Variants in GALK2 observed in about 807,000 individuals in gnomAD.
GALK2 encodes N-acetylgalactosamine kinase.
Under a neutral mutation model 52.4 loss-of-function variants are expected in GALK2, and 36 were observed. That is an observed-to-expected ratio of 0.69 (90% CI 0.53 to 0.91). The LOEUF (loss-of-function observed/expected upper bound fraction) is 0.91, where lower values mean the gene tolerates loss of function less well. Among genes scored for constraint, GALK2 ranks in the 40% least tolerant of loss-of-function variants. The pLI is 0.00. For missense variants in GALK2, 579 were observed against 559.1 expected (o/e 1.04, Z -0.36); for synonymous variants, 176 against 199.1 (o/e 0.88, Z 0.98).
At chr15:49,322,915 A>C (rs1431208260) in intron 9 of GALK2, among the ~76,000 whole-genome samples, 1 of 150,504 alleles carries the variant, frequency 6.6e-6, no homozygotes, top group Non-Finnish European at 1.5e-5. Context: ...CGAGATCGCA[A>C]CACTGCCCTC....
At chr15:49,210,973 TCACACACACACACACACA>T (rs3075099) in intron 2 of GALK2, among the ~76,000 whole-genome samples, 4 of 146,540 alleles carry the variant, frequency 2.7e-5, no homozygotes, top group Non-Finnish European at 6.0e-5. Flanking sequence ...ACACACACAC[TCACACACACACACACACA>T]CACACACACA....
chr15:49,273,932 T>C (rs1390935353), intron 5 of GALK2, among the ~76,000 whole-genome samples: 4 of 152,182 alleles, frequency 2.6e-5, no homozygotes, highest in Admixed American at 2.0e-4. Context: ...TTTATTTCAC[T>C]AGGACTGTTT....
intron 3 of GALK2, among the ~76,000 whole-genome samples, chr15:49,343,450 C>G (rs932400002): frequency 6.6e-6 from 1 of 152,066 alleles, no homozygotes; most frequent in Non-Finnish European, 1.5e-5. Flanking sequence ...TGTTGACTTT[C>G]AACACACTCT....
chr15:49,173,452 G>T (rs1055402040), intron 1 of GALK2, among the ~76,000 whole-genome samples: 5 of 152,006 alleles, frequency 3.3e-5, no homozygotes, highest in Non-Finnish European at 7.4e-5. Context: ...TAAAAATTTG[G>T]ATTATTTAAA....
chr15:49,183,006 A>G (rs1218751456), intron 1 of GALK2, among the ~76,000 whole-genome samples: 1 of 151,774 alleles, frequency 6.6e-6, no homozygotes, highest in Non-Finnish European at 1.5e-5. Context: ...TGATTTGTCC[A>G]TTTTTGCTTT....
chr15:49,355,191 C>T (rs1323778364), intron 3 of GALK2, among the ~76,000 whole-genome samples: 1 of 152,134 alleles, frequency 6.6e-6, no homozygotes, highest in Non-Finnish European at 1.5e-5. Context: ...GCCTCTCCTC[C>T]TCCAAAGGAA....
chr15:49,196,544 G>A (rs913974325), intron 1 of GALK2, among the ~76,000 whole-genome samples: 1 of 152,116 alleles, frequency 6.6e-6, no homozygotes, highest in African/African-American at 2.4e-5. Context: ...ATCAGTATTT[G>A]TGAATGTTCC....
intron 8 of GALK2, among the ~76,000 whole-genome samples, chr15:49,294,140 C>CAAATAAATAAATAAATAAATAAATAAAT (rs10677248): frequency 7.1e-6 from 1 of 139,864 alleles, no homozygotes; most frequent in African/African-American, 2.6e-5. Flanking sequence ...GACCCTGTCT[C>CAAATAAATAAATAAATAAATAAATAAAT]AAATAAATAA....
chr15:49,229,462 T>C (rs626295), intron 3 of GALK2, among the ~76,000 whole-genome samples: 89,350 of 151,962 alleles, frequency 0.59, 26,425 homozygotes, highest in Middle Eastern at 0.66. Flanking sequence ...GTTGGTCCCC[T>C]GTGCCACAGG....
rs1566891670 is a variant in GALK2 at position 49,159,588 on chromosome 15, A to AAAAT, written c.20+3575_20+3576insTAAA. 3.4e-5 allele frequency among the ~76,000 whole-genome samples: 5 copies of AAAAT among 147,614 alleles called. No homozygotes were observed. In the East Asian group the frequency reaches 1.0e-3, roughly 30 times the overall value. On this transcript the variant is annotated intron_variant, in intron 1 of 9. Transcript: ENST00000327171. ...AAGACTCTGTCTCAAAAAAAAAAAA[A>AAAAT]AAAATAAAATAAAATAAATAATTCC... is the stretch of plus-strand genomic sequence containing the variant.
At chr15:49,204,572 A>G (rs934101756) in intron 2 of GALK2, among the ~76,000 whole-genome samples, 6 of 151,814 alleles carry the variant, frequency 4.0e-5, no homozygotes, top group African/African-American at 1.5e-4. Flanking sequence ...TTATTCCTAG[A>G]TATTCATTTT....
At chr15:49,331,896 T>C, downstream of GALK2, 1 of 1,090,482 alleles carries the variant, frequency 9.2e-7, no homozygotes, top group Non-Finnish European at 1.4e-6. Context: ...ATTGTCCTTA[T>C]ATTGACACCA....
chr15:49,294,622 C>T (rs984850971), intron 8 of GALK2, among the ~76,000 whole-genome samples: 1 of 152,186 alleles, frequency 6.6e-6, no homozygotes, highest in African/African-American at 2.4e-5. Context: ...CTTCTGTGGA[C>T]TGGAAATTGT....
At chr15:49,315,704 A>T (rs2036349180) in intron 8 of GALK2, among the ~76,000 whole-genome samples, 1 of 152,170 alleles carries the variant, frequency 6.6e-6, no homozygotes, top group African/African-American at 2.4e-5. Flanking sequence ...GCAATCTCTC[A>T]TGCACCTTCA....
At position 49,156,788 on chromosome 15, in the gene GALK2, TTTG is replaced by T. The variant is rs1322768766; in HGVS notation, c.20+775_20+777del. 1.3e-5 allele frequency: 8 copies of T among 626,542 alleles called. No homozygotes were observed. The African/African-American group carries it at 1.5e-4, about 12-fold the overall frequency. 38.8% of individuals were successfully genotyped at this position (626,542 alleles called of 1,614,324 possible). On this transcript the variant is annotated intron_variant, in intron 1 of 9. Coordinates refer to the GALK2 transcript ENST00000327171. ...AGATGTGAATTCCCTTCTTAAATAT[TTTG>T]TTACTTTTGAAGTCAAAATCTTCCC...
intron 8 of GALK2, among the ~76,000 whole-genome samples, chr15:49,294,711 C>T (rs1171189179): frequency 1.3e-5 from 2 of 152,036 alleles, no homozygotes; most frequent in African/African-American, 4.8e-5. Flanking sequence ...GGGGAGAGTG[C>T]CATACAACAA....
chr15:49,246,481 G>A (rs1345709836), intron 5 of GALK2, among the ~76,000 whole-genome samples: 1 of 152,088 alleles, frequency 6.6e-6, no homozygotes, highest in East Asian at 1.9e-4. Flanking sequence ...AGAAGTATAG[G>A]GTTGAGCTGC....
At chr15:49,282,491 C>A (rs1232359377) in intron 6 of GALK2, among the ~76,000 whole-genome samples, 1 of 152,066 alleles carries the variant, frequency 6.6e-6, no homozygotes, top group Non-Finnish European at 1.5e-5. Flanking sequence ...AGTTCTCTTA[C>A]CACATATATT....
At chr15:49,339,945 A>T (rs1003849103) in intron 3 of GALK2, among the ~76,000 whole-genome samples, 3 of 152,310 alleles carry the variant, frequency 2.0e-5, no homozygotes, top group African/African-American at 7.2e-5. Context: ...CTCAAGCCTC[A>T]GCAATGGTGG....
Sources: allele counts gnomAD v4.1 joint callset (sites outside exome capture counted in the v4.1 genomes callset), GRCh38; gene constraint gnomAD v4.1.1; transcripts MANE v1.5; gene names NCBI Gene and HGNC (gene_info 2026-07-23, HGNC 2026-07-21).